Variants in OSBPL1A observed in about 807,000 individuals in gnomAD.
OSBPL1A encodes oxysterol binding protein like 1A.
A neutral mutation model predicts 137.1 loss-of-function variants in OSBPL1A; 80 were observed. That is an observed-to-expected ratio of 0.58 (90% CI 0.49 to 0.70). OSBPL1A has a LOEUF of 0.70. OSBPL1A is among the 30% of genes least tolerant of loss of function. The pLI, the probability that OSBPL1A is intolerant of heterozygous loss-of-function variation, is 0.00. For missense variants in OSBPL1A, 970 were observed against 1,129.4 expected (o/e 0.86, Z 2.02); for synonymous variants, 365 against 389.7 (o/e 0.94, Z 0.75).
chr18:24,293,346 C>G (rs187648570), intron 14 of OSBPL1A, among the ~76,000 whole-genome samples: 1 of 151,998 alleles, frequency 6.6e-6, no homozygotes, highest in African/African-American at 2.4e-5. Flanking sequence ...GGCAGCACTG[C>G]GGAACCACAG....
chr18:24,183,412 G>C (rs1266476554), intron 18 of OSBPL1A, among the ~76,000 whole-genome samples: 11 of 151,410 alleles, frequency 7.3e-5, no homozygotes, highest in Admixed American at 4.6e-4. Flanking sequence ...TTCACACACA[G>C]AGAGATTTTT....
At position 24,317,271 on chromosome 18, in the gene OSBPL1A, C is replaced by T. The variant is rs373824337; in HGVS notation, c.806+56G>A. The T allele has an allele frequency of 2.9e-5, 46 of 1,608,916 alleles. No individual in the cohort carries two copies. The African/African-American group carries it at 4.4e-4, about 15-fold the overall frequency. On this transcript the variant is annotated intron_variant, in intron 10 of 27. Coordinates refer to ENST00000319481, the MANE Select transcript of OSBPL1A (RefSeq NM_080597.4). ...GGAAAAGAGACAAGTGAAAAAAATT[C>T]GTATTTCAAAATTTATACAGTGAAA...
intron 1 of OSBPL1A, among the ~76,000 whole-genome samples, chr18:24,396,708 G>C (rs369748069): frequency 1.1e-4 from 16 of 152,226 alleles, no homozygotes; most frequent in Admixed American, 7.2e-4. Flanking sequence ...GGGTGGTTCA[G>C]AATTTATACC....
At chr18:24,199,211 C>A (rs761903962) in intron 17 of OSBPL1A, among the ~76,000 whole-genome samples, 1 of 151,912 alleles carries the variant, frequency 6.6e-6, no homozygotes, top group Non-Finnish European at 1.5e-5. Flanking sequence ...AGGACTGATC[C>A]GAGGCGAGGC....
chr18:24,218,019 A>G (rs1599509496), intron 17 of OSBPL1A, among the ~76,000 whole-genome samples: 1 of 152,318 alleles, frequency 6.6e-6, no homozygotes, highest in Admixed American at 6.5e-5. Flanking sequence ...AATGGCAAGA[A>G]AAAATGGGGG....
chr18:24,198,067 C>T (rs566099346), intron 17 of OSBPL1A, among the ~76,000 whole-genome samples: 4 of 152,204 alleles, frequency 2.6e-5, no homozygotes, highest in Admixed American at 2.6e-4. Context: ...GGATTACAGG[C>T]GTGAGCTACC....
chr18:24,213,442 G>T (rs940439581), intron 17 of OSBPL1A, among the ~76,000 whole-genome samples: 1 of 152,026 alleles, frequency 6.6e-6, no homozygotes, highest in African/African-American at 2.4e-5. Flanking sequence ...GGTGGCGCAG[G>T]CCTGTAATCC....
chr18:24,310,079 T>G (rs1221268484), intron 13 of OSBPL1A, among the ~76,000 whole-genome samples: 1 of 150,366 alleles, frequency 6.7e-6, no homozygotes, highest in African/African-American at 2.4e-5. Context: ...AAAAAAAGAT[T>G]TACAGAATTA....
chr18:24,289,224 C>T (rs1014730629), intron 14 of OSBPL1A, among the ~76,000 whole-genome samples: 4 of 152,184 alleles, frequency 2.6e-5, no homozygotes, highest in South Asian at 4.1e-4. Context: ...GAGTAGAAGA[C>T]AATGAAGATT....
intron 4 of OSBPL1A, among the ~76,000 whole-genome samples, chr18:24,361,112 C>T (rs1215047730): frequency 6.6e-6 from 1 of 152,292 alleles, no homozygotes; most frequent in East Asian, 1.9e-4. Context: ...TCACTGCAGC[C>T]TCAACTTCCT....
Position 24,163,625 on chromosome 18 carries a change from A to ATT in OSBPL1A, c.2751-346_2751-345dup, listed in dbSNP as rs55863834. On this transcript the variant is annotated intron_variant, in intron 27 of 27. Transcript: ENST00000319481. Reference sequence around the variant, plus strand: ...GCCTGGGTCTTATTTTCCACAAGGCATTTTTTTAAGTAGTTGGGAATAAAT... The same window carrying ATT: ...GCCTGGGTCTTATTTTCCACAAGGCATTTTTTTTTAAGTAGTTGGGAATAAAT... 4.0e-3 allele frequency among the ~76,000 whole-genome samples: 614 copies of ATT among 152,174 alleles called. 1 individual carries two copies. The highest frequency in any genetic ancestry group is 7.1e-3 in the Non-Finnish European group (486 of 68,012).
At chr18:24,354,289 C>T (rs1293873097) in intron 4 of OSBPL1A, among the ~76,000 whole-genome samples, 1 of 152,174 alleles carries the variant, frequency 6.6e-6, no homozygotes, top group Non-Finnish European at 1.5e-5. Flanking sequence ...CTCACATCCT[C>T]TACTCCTACC....
chr18:24,325,980 G>A (rs1237580233), intron 7 of OSBPL1A, among the ~76,000 whole-genome samples: 1 of 151,288 alleles, frequency 6.6e-6, no homozygotes, highest in Non-Finnish European at 1.5e-5. Context: ...ACAAACTCCT[G>A]GGCTCAAGCA....
intron 14 of OSBPL1A, among the ~76,000 whole-genome samples, chr18:24,303,152 C>T (rs559168320): frequency 6.6e-6 from 1 of 152,282 alleles, no homozygotes; most frequent in South Asian, 2.1e-4. Context: ...AAGCACGTGC[C>T]ACCACACCCG....
At chr18:24,377,234 A>G (rs1172954789) in intron 2 of OSBPL1A, among the ~76,000 whole-genome samples, 179 bp downstream of exon 2, 1 of 152,250 alleles carries the variant, frequency 6.6e-6, no homozygotes, top group Non-Finnish European at 1.5e-5. Context: ...TAAAATTCTT[A>G]TGTCACTTTC....
Position 24,184,809 on chromosome 18 carries a change from T to C in OSBPL1A, c.1678-3530A>G, listed in dbSNP as rs181855386. On this transcript the variant is annotated intron_variant, in intron 18 of 27. Coordinates refer to ENST00000319481, the MANE Select transcript of OSBPL1A (RefSeq NM_080597.4). ...TCACTGCCCCCACCCTGCATTCTCA[T>C]TGCCCCCACCCTGCATTCTCACTGC... Among the ~76,000 whole-genome samples the C allele has an allele frequency of 5.3e-5, 8 of 151,262 alleles. No individual in the cohort carries two copies. In the South Asian group the frequency reaches 8.4e-4, roughly 16 times the overall value.
chr18:24,369,885 CT>C (rs1253795168), intron 2 of OSBPL1A, among the ~76,000 whole-genome samples: 3 of 152,176 alleles, frequency 2.0e-5, no homozygotes, highest in South Asian at 2.1e-4. Flanking sequence ...CCCATCCCCC[CT>C]GTCCCTCACT....
At chr18:24,269,885 C>CACACA (rs375934061) in intron 15 of OSBPL1A, among the ~76,000 whole-genome samples, 8 of 151,216 alleles carry the variant, frequency 5.3e-5, no homozygotes, top group Non-Finnish European at 1.2e-4. Context: ...CACACACACA[C>CACACA]CATGCTAATT....
Position 24,170,460 on chromosome 18 carries a change from A to G in OSBPL1A, c.2292-7T>C, listed in dbSNP as rs1407680423. 6.2e-7 allele frequency: 1 copy of G among 1,614,012 alleles called. No individual in the cohort carries two copies. The highest frequency in any genetic ancestry group is 8.5e-7 in the Non-Finnish European group (1 of 1,179,998). ...GGCACAGAGCTTCTTTTTGCTGTCA[A>G]GAAAAACTGATGTTTAGTTAACAAA... On this transcript the variant is annotated splice_region_variant and splice_polypyrimidine_tract_variant and intron_variant, in intron 23 of 27. Coordinates refer to ENST00000319481, the MANE Select transcript of OSBPL1A (RefSeq NM_080597.4).
Sources: gnomAD v4.1 joint callset for allele counts (sites outside exome capture counted in the v4.1 genomes callset) on GRCh38, gnomAD v4.1.1 for gene constraint, MANE v1.5 for transcripts, NCBI Gene and HGNC (gene_info 2026-07-23, HGNC 2026-07-21) for gene names.